The following ARNT2 variants were observed in gnomAD, a reference collection of about 807,000 sequenced individuals.
The protein encoded by ARNT2 is ARNT protein 2.
A neutral mutation model predicts 91.7 loss-of-function variants in ARNT2; 36 were observed. That is an observed-to-expected ratio of 0.39 (90% confidence interval 0.30 to 0.52). The LOEUF (loss-of-function observed/expected upper bound fraction) is 0.52, where lower values mean the gene tolerates loss of function less well. ARNT2 is among the 20% of genes least tolerant of loss of function. ARNT2 has a pLI of 0.72. For synonymous variants in ARNT2, 365 were observed against 347.1 expected (o/e 1.05, Z -0.57); for missense variants, 775 against 939.3 (o/e 0.83, Z 2.29).
intron 8 of ARNT2, among the ~76,000 whole-genome samples, chr15:80,538,860 GA>G (rs1215328471): frequency 1.3e-5 from 2 of 151,936 alleles, no homozygotes; most frequent in Non-Finnish European, 2.9e-5. Flanking sequence ...TAAAAAGAAT[GA>G]AAATAAATGA....
Position 80,591,526 on chromosome 15 carries a change from G to A in ARNT2, c.1919-42G>A, listed in dbSNP as rs376458003. The A allele has an allele frequency of 6.2e-7, 1 of 1,610,698 alleles. No homozygotes were observed. The highest frequency in any genetic ancestry group is 8.5e-7 in the Non-Finnish European group (1 of 1,177,458). On this transcript the variant is annotated intron_variant, in intron 17 of 18. Coordinates refer to ENST00000303329, the MANE Select transcript of ARNT2 (RefSeq NM_014862.4). The surrounding 1 kb of genome is among the most constrained non-coding windows in gnomAD (Gnocchi z 5.1). ...GTTCTTAGGTCTCACAGAACCACGG[G>A]ATGGCTTTTAAAGGAAGTGTCCTGT...
chr15:80,410,843 ATCTC>A (rs141467598), intron 1 of ARNT2, among the ~76,000 whole-genome samples: 5 of 146,090 alleles, frequency 3.4e-5, no homozygotes, highest in South Asian at 4.4e-4. Context: ...TCTGTCTACC[ATCTC>A]TCTCTCTCTC....
chr15:80,492,342 G>T (rs1296990247), intron 5 of ARNT2, among the ~76,000 whole-genome samples: 3 of 152,150 alleles, frequency 2.0e-5, no homozygotes, highest in African/African-American at 7.2e-5. Flanking sequence ...CTGGCTCAGT[G>T]TCTTGATTAC....
intron 1 of ARNT2, among the ~76,000 whole-genome samples, chr15:80,435,562 GC>G (rs1379233078): frequency 6.6e-6 from 1 of 151,982 alleles, no homozygotes; most frequent in African/African-American, 2.4e-5. Context: ...CATGCACATT[GC>G]TGACCCCACA....
At chr15:80,538,016 G>A (rs1457120261) in intron 8 of ARNT2, among the ~76,000 whole-genome samples, 1 of 152,104 alleles carries the variant, frequency 6.6e-6, no homozygotes, top group Non-Finnish European at 1.5e-5. Context: ...TGAAGATGAA[G>A]GAATATTTAT....
Position 80,594,980 on chromosome 15 carries a change from A to G in ARNT2, c.*1282A>G, listed in dbSNP as rs528734735. 6.6e-6 allele frequency: 1 copy of G among 152,370 alleles called. No individual in the cohort carries two copies. The highest frequency in any genetic ancestry group is 2.4e-5 in the African/African-American group (1 of 41,572). 9.4% of individuals were successfully genotyped at this position (152,370 alleles called of 1,614,324 possible). Reference sequence around the variant, plus strand: ...GGCCTTGAATTTCTCTGGTGGTCTCAAGACAAGAACAAGAGCTGACTCTAG... The same window carrying G: ...GGCCTTGAATTTCTCTGGTGGTCTCGAGACAAGAACAAGAGCTGACTCTAG... On this transcript the variant is annotated 3_prime_UTR_variant, in exon 19 of 19. Coordinates refer to ENST00000303329, the MANE Select transcript of ARNT2 (RefSeq NM_014862.4).
intron 17 of ARNT2, among the ~76,000 whole-genome samples, chr15:80,585,874 C>G (rs1393966603): frequency 6.6e-6 from 1 of 152,250 alleles, no homozygotes; most frequent in South Asian, 2.1e-4. Context: ...GAAGCCACTT[C>G]TCTGCAGTAC....
chr15:80,503,509 T>C (rs1189711104), intron 5 of ARNT2, among the ~76,000 whole-genome samples: 1 of 152,206 alleles, frequency 6.6e-6, no homozygotes, highest in Non-Finnish European at 1.5e-5. Context: ...CATTTCCTCA[T>C]GTTCCACTGC....
In ARNT2 at chr15:80,404,566, C is replaced by T. The variant is rs1895568943; in HGVS notation, c.31+20C>T. On this transcript the variant is annotated intron_variant, in intron 1 of 18. Coordinates refer to ENST00000303329, the MANE Select transcript of ARNT2 (RefSeq NM_014862.4). The surrounding 1 kb of genome is among the most constrained non-coding windows in gnomAD (Gnocchi z 5.5). ...CTCCGGGTGAGTAGCGGCCTGGGCC[C>T]CGCCGCCCGCCGCAGCCCGCAGGCC... 9.1e-7 allele frequency: 1 copy of T among 1,094,580 alleles called. No individual in the cohort carries two copies. The highest frequency in any genetic ancestry group is 2.8e-5 in the South Asian group (1 of 36,050). 67.8% of individuals were successfully genotyped at this position (1,094,580 alleles called of 1,614,324 possible).
Position 80,563,094 on chromosome 15 carries a change from A to C in ARNT2, c.1171A>C (p.Lys391Gln). 6.2e-7 allele frequency: 1 copy of C among 1,614,120 alleles called. No individual in the cohort carries two copies. Residue 391 changes from lysine to glutamine, a missense_variant, in exon 12 of 19, where the codon AAG becomes CAG. Physicochemically the swap from Lys to Gln is moderately conservative, Grantham distance 53. This residue lies in a region of ARNT2 where 285 missense variants were observed against 327.2 expected (regional missense o/e 0.87). Transcript: ENST00000303329. ...HLRESFQQVV[K>Q]LKGQVLSVMY... ...TCTCCAAATGTTTTCTCAGGTGGTT[A>C]AGCTGAAAGGCCAAGTCCTGTCGGT...
At chr15:80,433,142 G>A (rs1896033350) in intron 1 of ARNT2, among the ~76,000 whole-genome samples, 1 of 151,822 alleles carries the variant, frequency 6.6e-6, no homozygotes, top group Non-Finnish European at 1.5e-5. Context: ...TTAGATCTGT[G>A]GAAGGATATG....
rs147344883 is a variant in ARNT2 at position 80,580,542 on chromosome 15, C to T, written c.1745C>T (p.Pro582Leu). The T allele has an allele frequency of 5.3e-5, 86 of 1,613,972 alleles. 1 individual carries two copies. Among genetic ancestry groups the T allele is most frequent in the South Asian group, 4.2e-4 (38 of 91,064 alleles). ...TGGACAGGGAGTCGTCCGCCCTTTC[C>T]GGGACAGGTATGGGCATCTGTGAGG... is the stretch of plus-strand genomic sequence containing the variant. ...VAWTGSRPPF[P>L]GQQIPSQSSK... Residue 582 changes from proline to leucine, a missense_variant, in exon 16 of 19, where the codon CCG becomes CTG. Coordinates refer to ENST00000303329, the MANE Select transcript of ARNT2 (RefSeq NM_014862.4).
intron 17 of ARNT2, among the ~76,000 whole-genome samples, chr15:80,584,989 C>T (rs887144792): frequency 2.6e-5 from 4 of 152,208 alleles, no homozygotes; most frequent in Non-Finnish European, 2.9e-5. Context: ...GTAGCAGACT[C>T]CTCAGGATAG....
At chr15:80,512,706 TA>T (rs1897362199) in intron 6 of ARNT2, among the ~76,000 whole-genome samples, 1 of 152,174 alleles carries the variant, frequency 6.6e-6, no homozygotes, top group African/African-American at 2.4e-5. Flanking sequence ...CCCTTATGAA[TA>T]AATTGATTGA....
chr15:80,597,542 T>A lies in ARNT2; in HGVS notation c.*3844T>A, dbSNP rs1596031446. 1 of 251,898 alleles carries A rather than the reference T, an allele frequency of 4.0e-6. No individual in the cohort carries two copies. Among genetic ancestry groups the A allele is most frequent in the Non-Finnish European group, 8.0e-6 (1 of 124,238 alleles). 15.6% of individuals were successfully genotyped at this position (251,898 alleles called of 1,614,324 possible). On this transcript the variant is annotated 3_prime_UTR_variant, in exon 19 of 19. Transcript: ENST00000303329. The stretch of plus-strand genomic sequence containing the variant: ...GCACCACACAGTGGTGCAGGCACAT[T>A]TCCAAGCGTAGGTGTCCCTGGCTTT...
At chr15:80,569,981 CA>C (rs764147706) in intron 12 of ARNT2, among the ~76,000 whole-genome samples, 111 of 152,378 alleles carry the variant, frequency 7.3e-4, no homozygotes, top group South Asian at 2.3e-3. Context: ...TTCAACCCCA[CA>C]AAAGTCCCAA....
At chr15:80,516,213 A>G (rs1897432072) in intron 8 of ARNT2, among the ~76,000 whole-genome samples, 1 of 152,202 alleles carries the variant, frequency 6.6e-6, no homozygotes, top group Middle Eastern at 3.2e-3. Context: ...AAGATGATTG[A>G]TAGTGCTGTT....
chr15:80,465,981 G>A (rs1173491865), intron 3 of ARNT2, among the ~76,000 whole-genome samples: 3 of 152,302 alleles, frequency 2.0e-5, no homozygotes, highest in Admixed American at 2.0e-4. Flanking sequence ...TCCAGCACCC[G>A]TCTCCAGTAC....
At chr15:80,528,944 T>C (rs887835538) in intron 8 of ARNT2, among the ~76,000 whole-genome samples, 2 of 152,232 alleles carry the variant, frequency 1.3e-5, no homozygotes, top group African/African-American at 4.8e-5. Flanking sequence ...TTCCAACAAA[T>C]TCCTTGGCCA....
Sources: gnomAD v4.1 joint callset for allele counts (sites outside exome capture counted in the v4.1 genomes callset) on GRCh38, gnomAD v4.1.1 for gene constraint, gnomAD v4.1.1 regional missense constraint, Gnocchi (gnomAD v3.1) non-coding constraint, MANE v1.5 for transcripts, NCBI Gene and HGNC (gene_info 2026-07-23, HGNC 2026-07-21) for gene names.